The following TRPM3 variants were observed in gnomAD, a reference collection of about 807,000 sequenced individuals.
TRPM3 encodes the protein long transient receptor potential channel 3.
TRPM3 carries 77 observed loss-of-function variants against 181.2 expected under a neutral mutation model. The ratio of observed to expected loss-of-function variants is 0.42; its 90% CI spans 0.35 to 0.51. The LOEUF is 0.51. TRPM3 is among the 20% of genes least tolerant of loss of function. The pLI is 0.01. For missense variants in TRPM3, 1,759 were observed against 2,196.7 expected (o/e 0.80, Z 3.98); for synonymous variants, 745 against 796.4 (o/e 0.94, Z 1.09).
chr9:71,385,820 T>A (rs2092909943), intron 1 of TRPM3, among the ~76,000 whole-genome samples: 1 of 152,096 alleles, frequency 6.6e-6, no homozygotes, highest in African/African-American at 2.4e-5. Context: ...TTCTTCCACA[T>A]CAGCCTCCCA....
At chr9:70,551,437 G>A (rs2046427843) in intron 24 of TRPM3, among the ~76,000 whole-genome samples, 1 of 152,164 alleles carries the variant, frequency 6.6e-6, no homozygotes, top group Admixed American at 6.5e-5. Flanking sequence ...TGGTGATAAC[G>A]ACAAGAAAAC....
chr9:70,549,620 C>T lies in TRPM3; in HGVS notation c.3629G>A (p.Cys1210Tyr). Reference sequence around the variant, plus strand: ...CTTTTCTCTGAAGTATTCTTCTATGCATTGCTCTTCAAAGTCATGTACTTT... The same window carrying T: ...CTTTTCTCTGAAGTATTCTTCTATGTATTGCTCTTCAAAGTCATGTACTTT... Reference protein sequence around the residue: ...LKKVHDFEEQCIEEYFREKDD... With the variant: ...LKKVHDFEEQYIEEYFREKDD... Residue 1210 changes from cysteine to tyrosine, a missense_variant, in exon 25 of 26, where the codon TGC becomes TAC. This residue lies in a region of TRPM3 where 96 missense variants were observed against 129.6 expected (regional missense o/e 0.74). Coordinates refer to ENST00000677713, the MANE Select transcript of TRPM3 (RefSeq NM_001366145.2). The T allele has an allele frequency of 6.2e-7, 1 of 1,612,772 alleles. No individual in the cohort carries two copies. The highest frequency in any genetic ancestry group is 8.5e-7 in the Non-Finnish European group (1 of 1,179,776).
intron 1 of TRPM3, among the ~76,000 whole-genome samples, chr9:71,177,764 C>T (rs528133259): frequency 6.6e-6 from 1 of 152,164 alleles, no homozygotes; most frequent in South Asian, 2.1e-4. Context: ...GTTTTCCCTA[C>T]CTTTAGGACT....
At chr9:71,084,197 G>A (rs2064889207) in intron 1 of TRPM3, among the ~76,000 whole-genome samples, 1 of 151,942 alleles carries the variant, frequency 6.6e-6, no homozygotes, top group South Asian at 2.1e-4. Context: ...CTGGCTGATG[G>A]TAGTTGAATA....
chr9:71,119,650 C>T (rs1480593127), intron 1 of TRPM3, among the ~76,000 whole-genome samples: 9 of 152,096 alleles, frequency 5.9e-5, no homozygotes, highest in Admixed American at 2.6e-4. Flanking sequence ...ATGACTTTAA[C>T]TGAAAAAATG....
At chr9:71,043,206 A>G (rs1271068882) in intron 1 of TRPM3, among the ~76,000 whole-genome samples, 1 of 152,182 alleles carries the variant, frequency 6.6e-6, no homozygotes, top group Non-Finnish European at 1.5e-5. Flanking sequence ...CTTAGTAGCC[A>G]TCTACTTTCC....
intron 1 of TRPM3, among the ~76,000 whole-genome samples, chr9:70,968,486 T>C (rs533338527): frequency 6.6e-6 from 1 of 152,288 alleles, no homozygotes; most frequent in African/African-American, 2.4e-5. Flanking sequence ...TGTATGAATC[T>C]GAGAGCCCCT....
intron 1 of TRPM3, among the ~76,000 whole-genome samples, chr9:71,011,639 G>A (rs1357275050): frequency 3.3e-5 from 5 of 151,556 alleles, no homozygotes; most frequent in African/African-American, 1.2e-4. Context: ...TTTGAATTGT[G>A]TATCATGTTT....
chr9:70,861,459 C>T (rs1178242819), intron 3 of TRPM3, among the ~76,000 whole-genome samples: 2 of 152,126 alleles, frequency 1.3e-5, no homozygotes, highest in Non-Finnish European at 2.9e-5. Flanking sequence ...GCTAATGACA[C>T]GAGGCTTGCA....
chr9:71,430,868 T>A (rs2093944152), intron 1 of TRPM3, among the ~76,000 whole-genome samples: 1 of 152,188 alleles, frequency 6.6e-6, no homozygotes, highest in Admixed American at 6.5e-5. Flanking sequence ...TTCCAGTTAA[T>A]CATCAACTCT....
chr9:70,580,302 CA>C (rs1277165127), intron 22 of TRPM3, among the ~76,000 whole-genome samples: 1 of 152,160 alleles, frequency 6.6e-6, no homozygotes, highest in Non-Finnish European at 1.5e-5. Flanking sequence ...GAATTTCCAA[CA>C]AGATCCAAAT....
chr9:71,148,789 C>G (rs149516789), intron 1 of TRPM3, among the ~76,000 whole-genome samples: 2 of 152,230 alleles, frequency 1.3e-5, no homozygotes, highest in East Asian at 3.9e-4. Flanking sequence ...AGAGTAAGAA[C>G]AGCAAATGGC....
Position 70,841,689 on chromosome 9 carries a change from T to C in TRPM3, c.801+1314A>G, listed in dbSNP as rs541180658. 2.0e-3 allele frequency among the ~76,000 whole-genome samples: 291 copies of C among 144,222 alleles called. 2 individuals carry two copies. Among genetic ancestry groups the C allele is most frequent in the African/African-American group, 7.2e-3 (280 of 38,796 alleles). 94.6% of individuals were successfully genotyped at this position (144,222 alleles called of 152,430 possible). Reference sequence around the variant, plus strand: ...CACCATATATATGTATATATAGATATATCCCACCATATACATATATATCTC... The same window carrying C: ...CACCATATATATGTATATATAGATACATCCCACCATATACATATATATCTC... On this transcript the variant is annotated intron_variant, in intron 5 of 25. Transcript: ENST00000677713.
chr9:70,978,958 G>A lies in TRPM3; in HGVS notation c.178-114447C>T, dbSNP rs145989214. Among the ~76,000 whole-genome samples, 5 of 152,278 alleles carry A rather than the reference G, an allele frequency of 3.3e-5. No individual in the cohort carries two copies. The East Asian group carries it at 9.7e-4, about 29-fold the overall frequency. On this transcript the variant is annotated intron_variant, in intron 1 of 25. Transcript: ENST00000677713. ...AAAAGAGATTTTATTTGTTTCCCAG[G>A]GAAGAAAGGAAATCAGAAGATTGAG... is the stretch of plus-strand genomic sequence containing the variant.
At chr9:71,395,128 T>G (rs1208376111) in intron 1 of TRPM3, among the ~76,000 whole-genome samples, 1 of 152,246 alleles carries the variant, frequency 6.6e-6, no homozygotes, top group African/African-American at 2.4e-5. Flanking sequence ...TTGATCATCA[T>G]GAAGCCTCAC....
intron 1 of TRPM3, among the ~76,000 whole-genome samples, chr9:71,389,562 C>T (rs10869018): frequency 0.45 from 68,953 of 151,966 alleles, 17,123 homozygotes; most frequent in East Asian, 0.59. Context: ...TTCACAACTG[C>T]AAAATCATGG....
chr9:71,310,209 T>C (rs555158726), intron 1 of TRPM3, among the ~76,000 whole-genome samples: 1 of 152,040 alleles, frequency 6.6e-6, no homozygotes, highest in African/African-American at 2.4e-5. Flanking sequence ...ACACAGTAAC[T>C]GAAATTATAA....
intron 1 of TRPM3, among the ~76,000 whole-genome samples, chr9:70,963,829 T>C (rs1294928521): frequency 6.6e-6 from 1 of 152,130 alleles, no homozygotes; most frequent in Non-Finnish European, 1.5e-5. Flanking sequence ...GCCTAAGCTT[T>C]GGTCTAGAAA....
At chr9:70,753,367 G>A (rs900845689) in intron 8 of TRPM3, among the ~76,000 whole-genome samples, 1 of 152,128 alleles carries the variant, frequency 6.6e-6, no homozygotes, top group African/African-American at 2.4e-5. Flanking sequence ...TTGAAACTTG[G>A]AAAGAATATA....
Sources: allele counts gnomAD v4.1 joint callset (sites outside exome capture counted in the v4.1 genomes callset), GRCh38; gene constraint gnomAD v4.1.1; regional missense constraint gnomAD v4.1.1; transcripts MANE v1.5; gene names NCBI Gene and HGNC (gene_info 2026-07-23, HGNC 2026-07-21).